The following ZSWIM6 variants were observed in gnomAD, a reference collection of about 807,000 sequenced individuals.
ZSWIM6 encodes zinc finger SWIM-type containing 6.
In ZSWIM6, 9 loss-of-function variants were observed where a neutral mutation model predicts 113.2. The ratio of observed to expected loss-of-function variants is 0.08; its 90% CI spans 0.05 to 0.14. ZSWIM6 has a LOEUF of 0.14. ZSWIM6 is among the 10% of genes least tolerant of loss of function. The pLI is 1.00. For missense variants in ZSWIM6, 1,162 were observed against 1,552.2 expected (o/e 0.75, Z 4.22); for synonymous variants, 611 against 606.5 (o/e 1.01, Z -0.11).
intron 1 of ZSWIM6, among the ~76,000 whole-genome samples, chr5:61,340,771 T>C (rs1744526860): frequency 6.6e-6 from 1 of 152,206 alleles, no homozygotes; most frequent in Non-Finnish European, 1.5e-5. Flanking sequence ...TTGAACTCTT[T>C]GGAGGGGTTA....
intron 1 of ZSWIM6, among the ~76,000 whole-genome samples, chr5:61,441,362 A>G (rs1414723200): frequency 1.3e-5 from 2 of 152,150 alleles, no homozygotes; most frequent in African/African-American, 4.8e-5. Context: ...CTTTAGAGCT[A>G]CTTATTAAAT....
intron 1 of ZSWIM6, among the ~76,000 whole-genome samples, chr5:61,346,951 A>G (rs921071211): frequency 6.6e-6 from 1 of 152,374 alleles, no homozygotes; most frequent in Middle Eastern, 3.4e-3. Context: ...ATTTTTTAAA[A>G]AAGTACAGAT....
At chr5:61,422,868 A>G (rs1003169879) in intron 1 of ZSWIM6, among the ~76,000 whole-genome samples, 4 of 152,184 alleles carry the variant, frequency 2.6e-5, no homozygotes, top group African/African-American at 9.7e-5. Context: ...TGCTGTTGGC[A>G]TATAAAAATG....
At chr5:61,444,613 G>A (rs1383918756) in intron 1 of ZSWIM6, among the ~76,000 whole-genome samples, 1 of 152,166 alleles carries the variant, frequency 6.6e-6, no homozygotes, top group Non-Finnish European at 1.5e-5. Flanking sequence ...CTGTTAAAGA[G>A]CAGATCAGTG....
At chr5:61,520,026 C>T (rs1422931074) in intron 4 of ZSWIM6, among the ~76,000 whole-genome samples, 1 of 152,206 alleles carries the variant, frequency 6.6e-6, no homozygotes, top group African/African-American at 2.4e-5. Context: ...CCATTCACCT[C>T]CTGCTGTGTG....
At chr5:61,441,841 C>T (rs1746841025) in intron 1 of ZSWIM6, among the ~76,000 whole-genome samples, 1 of 152,164 alleles carries the variant, frequency 6.6e-6, no homozygotes, top group African/African-American at 2.4e-5. Context: ...TGAACTGCCA[C>T]CTTACAGTGT....
chr5:61,438,376 A>G (rs1028810326), intron 1 of ZSWIM6, among the ~76,000 whole-genome samples: 1 of 152,344 alleles, frequency 6.6e-6, no homozygotes, highest in East Asian at 1.9e-4. Flanking sequence ...ATGTAAAACT[A>G]TATTCAGGAG....
intron 1 of ZSWIM6, among the ~76,000 whole-genome samples, chr5:61,388,373 T>C (rs1032226387): frequency 1.3e-5 from 2 of 152,196 alleles, no homozygotes; most frequent in Non-Finnish European, 1.5e-5. Context: ...ACACTACAAG[T>C]GTATTTAAAA....
intron 1 of ZSWIM6, among the ~76,000 whole-genome samples, chr5:61,449,451 A>G (rs1019872504): frequency 7.2e-5 from 11 of 152,100 alleles, no homozygotes; most frequent in African/African-American, 2.4e-4. Flanking sequence ...GCTGTCCTTG[A>G]ACTCCTTGGC....
chr5:61,369,540 T>C (rs1745222600), intron 1 of ZSWIM6, among the ~76,000 whole-genome samples: 1 of 152,178 alleles, frequency 6.6e-6, no homozygotes. Flanking sequence ...CTGGACTGTT[T>C]TGGTTTGGTG....
At chr5:61,468,438 A>C (rs563902388) in intron 1 of ZSWIM6, among the ~76,000 whole-genome samples, 1 of 152,332 alleles carries the variant, frequency 6.6e-6, no homozygotes, top group South Asian at 2.1e-4. Flanking sequence ...AGGTTTATAT[A>C]ATTTATGTTT....
At chr5:61,474,442 AG>A (rs1370501271) in intron 2 of ZSWIM6, among the ~76,000 whole-genome samples, 1 of 152,260 alleles carries the variant, frequency 6.6e-6, no homozygotes, top group Non-Finnish European at 1.5e-5. Flanking sequence ...AGAAGTGAAA[AG>A]AAACAAGTAA....
At chr5:61,439,080 G>A (rs997064026) in intron 1 of ZSWIM6, among the ~76,000 whole-genome samples, 3 of 152,148 alleles carry the variant, frequency 2.0e-5, no homozygotes, top group Admixed American at 6.5e-5. Context: ...CCTATCCTTT[G>A]TCCAAATGGA....
chr5:61,462,622 A>G (rs1010183514), intron 1 of ZSWIM6, among the ~76,000 whole-genome samples: 5 of 152,240 alleles, frequency 3.3e-5, no homozygotes, highest in Admixed American at 2.6e-4. Flanking sequence ...CAGCAAGTGC[A>G]CTTACACTAA....
chr5:61,378,140 A>G (rs1238788383), intron 1 of ZSWIM6, among the ~76,000 whole-genome samples: 1 of 152,240 alleles, frequency 6.6e-6, no homozygotes, highest in East Asian at 1.9e-4. Flanking sequence ...TGACCCAACA[A>G]TTTAACATCC....
chr5:61,390,684 T>C, intron 1 of ZSWIM6: 1 of 857,424 alleles, frequency 1.2e-6, no homozygotes, highest in Non-Finnish European at 2.0e-6. Context: ...TCCTTCTTCC[T>C]TTGCAATTCG....
At chr5:61,406,504 T>G (rs1746045804) in intron 1 of ZSWIM6, among the ~76,000 whole-genome samples, 3 of 152,074 alleles carry the variant, frequency 2.0e-5, no homozygotes, top group Admixed American at 6.6e-5. Flanking sequence ...TTGTCTACAG[T>G]CAGTATCAAA....
chr5:61,410,101 A>G (rs1418612870), intron 1 of ZSWIM6, among the ~76,000 whole-genome samples: 2 of 152,052 alleles, frequency 1.3e-5, no homozygotes, highest in African/African-American at 4.8e-5. Context: ...CTGTGATTTC[A>G]CCTATGTATA....
chr5:61,502,734 G>T (rs994639885), intron 4 of ZSWIM6, among the ~76,000 whole-genome samples: 2 of 152,190 alleles, frequency 1.3e-5, no homozygotes, highest in African/African-American at 4.8e-5. Flanking sequence ...CTGCCTGAGT[G>T]CTACCTCCTG....
Sources: gnomAD v4.1 joint callset for allele counts (sites outside exome capture counted in the v4.1 genomes callset) on GRCh38, gnomAD v4.1.1 for gene constraint, MANE v1.5 for transcripts, NCBI Gene and HGNC (gene_info 2026-07-23, HGNC 2026-07-21) for gene names.